Variants in GPC6 observed in about 807,000 individuals in gnomAD.
GPC6 encodes the protein glypican 6, also known as glypican-6.
Under a neutral mutation model 55.2 loss-of-function variants are expected in GPC6, and 14 were observed. That is an observed-to-expected ratio of 0.25 (90% CI 0.17 to 0.40). GPC6 has a LOEUF of 0.40. GPC6 is among the 10% of genes least tolerant of loss of function. GPC6 has a pLI of 1.00. For missense variants in GPC6, 641 were observed against 708.5 expected, an observed-to-expected ratio of 0.90 and a Z score of 1.08; for synonymous variants, 278 against 259.6, an observed-to-expected ratio of 1.07 and a Z score of -0.68.
chr13:93,411,722 C>T (rs1269085771), intron 1 of GPC6, among the ~76,000 whole-genome samples: 1 of 151,998 alleles, frequency 6.6e-6, no homozygotes, highest in Non-Finnish European at 1.5e-5. Context: ...ATTATAGGCC[C>T]AGGTGCAGTC....
intron 8 of GPC6, among the ~76,000 whole-genome samples, chr13:94,399,747 T>A (rs1288531200): frequency 6.6e-6 from 1 of 152,212 alleles, no homozygotes; most frequent in East Asian, 1.9e-4. Context: ...ACAGAATAAT[T>A]ACCAACCCAA....
intron 3 of GPC6, among the ~76,000 whole-genome samples, chr13:93,969,095 C>A (rs1880173602): frequency 6.6e-6 from 1 of 152,124 alleles, no homozygotes; most frequent in Non-Finnish European, 1.5e-5. Flanking sequence ...CATCTAGCAC[C>A]AACCGAAGAG....
intron 4 of GPC6, among the ~76,000 whole-genome samples, chr13:94,221,848 G>A (rs1184056984): frequency 6.6e-6 from 1 of 152,026 alleles, no homozygotes; most frequent in African/African-American, 2.4e-5. Flanking sequence ...ATAGTCAAGG[G>A]TATGATTAAA....
At chr13:93,269,368 C>T (rs1877431739) in intron 1 of GPC6, among the ~76,000 whole-genome samples, 1 of 152,144 alleles carries the variant, frequency 6.6e-6, no homozygotes, top group Admixed American at 6.5e-5. Flanking sequence ...ACATTTATCT[C>T]TCATTCCATC....
chr13:93,445,066 G>C (rs537136732), intron 1 of GPC6, among the ~76,000 whole-genome samples: 2 of 152,166 alleles, frequency 1.3e-5, no homozygotes, highest in African/African-American at 4.8e-5. Context: ...CTTTGTTTAT[G>C]GTGAGTTGGA....
chr13:94,216,782 G>A (rs569242534), intron 4 of GPC6, among the ~76,000 whole-genome samples: 1 of 152,218 alleles, frequency 6.6e-6, no homozygotes, highest in South Asian at 2.1e-4. Flanking sequence ...AGCCCAAACA[G>A]TCTATAAACT....
chr13:93,395,160 C>A, intron 1 of GPC6: 1 of 275,654 alleles, frequency 3.6e-6, no homozygotes, highest in Non-Finnish European at 7.1e-6. Context: ...CTACCATATC[C>A]ACCACCACTA....
chr13:93,772,520 T>C (rs186720900), intron 2 of GPC6, among the ~76,000 whole-genome samples: 66 of 152,070 alleles, frequency 4.3e-4, no homozygotes, highest in Admixed American at 1.4e-3. Context: ...AGAGGCATCA[T>C]TGAGAGGAAG....
At chr13:94,257,211 G>A (rs1891532963) in intron 4 of GPC6, among the ~76,000 whole-genome samples, 1 of 152,108 alleles carries the variant, frequency 6.6e-6, no homozygotes, top group Non-Finnish European at 1.5e-5. Context: ...CATCCTGAAT[G>A]ACAAAAAATC....
chr13:93,436,159 A>G (rs1190776928), intron 1 of GPC6, among the ~76,000 whole-genome samples: 3 of 152,182 alleles, frequency 2.0e-5, no homozygotes. Context: ...AATAGAATGG[A>G]GGCCCTAAGC....
rs201062834 is a variant in GPC6 at position 93,523,322 on chromosome 13, G to GAT, written c.161-21932_161-21931dup. ...CATATAAGGGTAATATTTAAAAGAG[G>GAT]ATATATATATGCATGTGTATATGTA... On this transcript the variant is annotated intron_variant, in intron 1 of 8. Transcript: ENST00000377047. 8.1e-3 allele frequency among the ~76,000 whole-genome samples: 1,191 copies of GAT among 147,582 alleles called. 21 individuals carry two copies. The highest frequency in any genetic ancestry group is 0.028 in the African/African-American group (1,099 of 38,800).
intron 2 of GPC6, among the ~76,000 whole-genome samples, chr13:93,654,047 G>A (rs994554554): frequency 6.6e-6 from 1 of 152,052 alleles, no homozygotes; most frequent in Admixed American, 6.6e-5. Context: ...TGTTGTTTTA[G>A]CTCATATATT....
At chr13:94,379,507 T>G (rs891346350) in intron 6 of GPC6, among the ~76,000 whole-genome samples, 3 of 152,144 alleles carry the variant, frequency 2.0e-5, no homozygotes, top group African/African-American at 7.2e-5. Context: ...GCTCCTCACT[T>G]AGCCAAATAC....
At chr13:93,887,436 G>A (rs1875408025) in intron 3 of GPC6, among the ~76,000 whole-genome samples, 1 of 152,010 alleles carries the variant, frequency 6.6e-6, no homozygotes. Context: ...AAGACTGAAA[G>A]TTACTGAACA....
chr13:93,368,497 G>T (rs1212895588), intron 1 of GPC6, among the ~76,000 whole-genome samples: 1 of 151,780 alleles, frequency 6.6e-6, no homozygotes, highest in Non-Finnish European at 1.5e-5. Flanking sequence ...GGAAGGACTT[G>T]AAAATTTCCT....
At chr13:93,756,945 C>A (rs1884790244) in intron 2 of GPC6, among the ~76,000 whole-genome samples, 1 of 152,128 alleles carries the variant, frequency 6.6e-6, no homozygotes, top group Non-Finnish European at 1.5e-5. Context: ...GTTCCACAAC[C>A]CGTTTAATAG....
chr13:93,557,399 T>TAA (rs200720972), intron 2 of GPC6, among the ~76,000 whole-genome samples: 8 of 151,848 alleles, frequency 5.3e-5, no homozygotes, highest in African/African-American at 1.9e-4. Flanking sequence ...TGATTGATGT[T>TAA]AAAAAAAATA....
chr13:93,335,629 A>G (rs1880018346), intron 1 of GPC6, among the ~76,000 whole-genome samples: 1 of 152,182 alleles, frequency 6.6e-6, no homozygotes, highest in Non-Finnish European at 1.5e-5. Flanking sequence ...TATAATTGTC[A>G]GCTTATCTAA....
At chr13:93,756,455 TGTG>T (rs1360729164) in intron 2 of GPC6, among the ~76,000 whole-genome samples, 18 of 152,146 alleles carry the variant, frequency 1.2e-4, no homozygotes, top group Non-Finnish European at 1.5e-4. Context: ...CTAGCTTTCT[TGTG>T]GTGATTACAA....
Sources: allele counts gnomAD v4.1 joint callset (sites outside exome capture counted in the v4.1 genomes callset), GRCh38; gene constraint gnomAD v4.1.1; transcripts MANE v1.5; gene names NCBI Gene and HGNC (gene_info 2026-07-23, HGNC 2026-07-21).